BAZ2B: variants seen among roughly 807,000 people sequenced by gnomAD.
BAZ2B encodes bromodomain adjacent to zinc finger domain protein 2B.
BAZ2B carries 91 observed loss-of-function variants against 246.0 expected under a neutral mutation model. The ratio of observed to expected loss-of-function variants is 0.37; its 90% CI spans 0.31 to 0.44. The LOEUF (loss-of-function observed/expected upper bound fraction) is 0.44. Among genes scored for constraint, BAZ2B ranks in the 20% least tolerant of loss-of-function variants. BAZ2B has a pLI of 1.00. For synonymous variants in BAZ2B, 855 were observed against 860.0 expected (o/e 0.99, Z 0.10); for missense variants, 2,332 against 2,533.7 (o/e 0.92, Z 1.71).
chr2:159,474,759 C>A (rs1175087868), intron 3 of BAZ2B, among the ~76,000 whole-genome samples: 1 of 152,152 alleles, frequency 6.6e-6, no homozygotes, highest in Admixed American at 6.5e-5. Flanking sequence ...CTGGTGGTAA[C>A]AAAATCTCTT....
chr2:159,699,104 G>A, the BAZ2B span, among the ~76,000 whole-genome samples: 10 of 152,264 alleles, frequency 6.6e-5, no homozygotes, highest in African/African-American at 2.2e-4. Flanking sequence ...GGAATATAGG[G>A]TGGTAGCAGA....
intron 1 of BAZ2B, among the ~76,000 whole-genome samples, chr2:159,608,732 T>C (rs1265810574): frequency 1.3e-5 from 2 of 152,128 alleles, no homozygotes; most frequent in East Asian, 3.8e-4. Flanking sequence ...AACTCAAAAC[T>C]AAAACACAAT....
the BAZ2B span, among the ~76,000 whole-genome samples, chr2:159,637,216 G>A: frequency 2.0e-5 from 3 of 152,216 alleles, no homozygotes; most frequent in Admixed American, 6.5e-5. Context: ...TGTACACAGT[G>A]GGGTAGAGCA....
At chr2:159,661,096 C>T in the BAZ2B span, among the ~76,000 whole-genome samples, 1 of 152,146 alleles carries the variant, frequency 6.6e-6, no homozygotes, top group African/African-American at 2.4e-5. Context: ...CCTCCCTACT[C>T]CCCTTCTTCC....
At chr2:159,653,534 T>A in the BAZ2B span, among the ~76,000 whole-genome samples, 1 of 152,186 alleles carries the variant, frequency 6.6e-6, no homozygotes, top group South Asian at 2.1e-4. Context: ...TAAACAAAAC[T>A]TGAGATAGTC....
At chr2:159,666,605 C>T in the BAZ2B span, among the ~76,000 whole-genome samples, 32 of 152,142 alleles carry the variant, frequency 2.1e-4, no homozygotes, top group African/African-American at 6.7e-4. Context: ...CATGGTAATC[C>T]CAGCATTTAG....
intron 2 of BAZ2B, among the ~76,000 whole-genome samples, chr2:159,527,466 T>C (rs901823643): frequency 2.0e-5 from 3 of 152,214 alleles, no homozygotes; most frequent in Non-Finnish European, 4.4e-5. Flanking sequence ...TAAAGTCCAA[T>C]TTACAGATTT....
At chr2:159,454,564 C>T (rs1024662822) in intron 3 of BAZ2B, among the ~76,000 whole-genome samples, 2 of 152,026 alleles carry the variant, frequency 1.3e-5, no homozygotes, top group Non-Finnish European at 2.9e-5. Context: ...AAGAAAGGTA[C>T]AGTAAAAATA....
chr2:159,507,609 A>G (rs1346984405), intron 2 of BAZ2B, among the ~76,000 whole-genome samples: 2 of 152,180 alleles, frequency 1.3e-5, no homozygotes, highest in African/African-American at 4.8e-5. Context: ...GTATTTTTCA[A>G]TCAATGCACT....
intron 13 of BAZ2B, among the ~76,000 whole-genome samples, chr2:159,418,026 T>C (rs956933245): frequency 1.3e-5 from 2 of 152,178 alleles, no homozygotes; most frequent in African/African-American, 4.8e-5. Context: ...ACCGCCTGGA[T>C]GTGAAGGAGG....
chr2:159,637,946 C>T, the BAZ2B span, among the ~76,000 whole-genome samples: 1 of 152,178 alleles, frequency 6.6e-6, no homozygotes, highest in Non-Finnish European at 1.5e-5. Flanking sequence ...AACTCGCCAC[C>T]CTGAAGGAAA....
chr2:159,673,159 C>A, the BAZ2B span, among the ~76,000 whole-genome samples: 1 of 151,974 alleles, frequency 6.6e-6, no homozygotes, highest in Non-Finnish European at 1.5e-5. Flanking sequence ...TCTTAGATAA[C>A]CAATTAAAAA....
At chr2:159,371,967 C>T (rs981723056) in intron 27 of BAZ2B, among the ~76,000 whole-genome samples, 1 of 152,198 alleles carries the variant, frequency 6.6e-6, no homozygotes, top group South Asian at 2.1e-4. Flanking sequence ...AGAAAATTCT[C>T]CCAAGTAGAT....
Position 159,320,312 on chromosome 2 carries a change from T to G in BAZ2B, c.6460A>C (p.Arg2154=). 6.4e-7 allele frequency: 1 copy of G among 1,572,920 alleles called. No individual in the cohort carries two copies. Among genetic ancestry groups the G allele is most frequent in the Non-Finnish European group, 8.5e-7 (1 of 1,169,928 alleles). Reference sequence around the variant, plus strand: ...GTCCACTTTTTTTCAAAATACTTCCTCATATTGTGGCCAGCTCTGCCTATA... The same window carrying G: ...GTCCACTTTTTTTCAAAATACTTCCGCATATTGTGGCCAGCTCTGCCTATA... ...SDIGRAGHNM[R]KYFEKKWTDT... The change falls in exon 37 of 37, where the codon AGG becomes CGG. Residue 2154 remains arginine, a synonymous_variant. Coordinates refer to ENST00000392783, the MANE Select transcript of BAZ2B (RefSeq NM_013450.4).
chr2:159,406,739 T>C (rs2065994276), intron 14 of BAZ2B, among the ~76,000 whole-genome samples: 1 of 152,064 alleles, frequency 6.6e-6, no homozygotes, highest in African/African-American at 2.4e-5. Flanking sequence ...CACTATTGTG[T>C]TAAATTTTTC....
At chr2:159,513,395 A>G (rs761367444) in intron 2 of BAZ2B, among the ~76,000 whole-genome samples, 59 of 152,198 alleles carry the variant, frequency 3.9e-4, no homozygotes, top group Non-Finnish European at 7.6e-4. Flanking sequence ...AGTAAGTCCA[A>G]TTCATTCTTC....
chr2:159,683,090 T>C, the BAZ2B span, among the ~76,000 whole-genome samples: 1 of 152,196 alleles, frequency 6.6e-6, no homozygotes, highest in East Asian at 1.9e-4. Flanking sequence ...TTGCCATCTG[T>C]ATTATACTTT....
chr2:159,438,936 T>G, intron 7 of BAZ2B, 73 bp downstream of exon 7: 7 of 1,461,958 alleles, frequency 4.8e-6, no homozygotes, highest in Non-Finnish European at 6.5e-6. Context: ...CTACAGACTT[T>G]GAGAGTCAAG....
chr2:159,607,961 A>G (rs942848543), intron 1 of BAZ2B, among the ~76,000 whole-genome samples: 76 of 152,244 alleles, frequency 5.0e-4, no homozygotes, highest in Admixed American at 5.0e-3. Flanking sequence ...TATTATTAAT[A>G]CTAGAATAAT....
Sources: allele counts gnomAD v4.1 joint callset (sites outside exome capture counted in the v4.1 genomes callset), GRCh38; gene constraint gnomAD v4.1.1; transcripts MANE v1.5; gene names NCBI Gene and HGNC (gene_info 2026-07-23, HGNC 2026-07-21).